ACLY: variants seen among roughly 807,000 people sequenced by gnomAD.
ACLY encodes the protein ATP-citrate synthase.
Under a neutral mutation model 133.0 loss-of-function variants are expected in ACLY, and 41 were observed. The ratio of observed to expected loss-of-function variants is 0.31; its 90% confidence interval spans 0.24 to 0.40. The LOEUF is 0.40. ACLY is among the 10% of genes least tolerant of loss of function. The pLI, the probability that ACLY is intolerant of heterozygous loss-of-function variation, is 1.00. For synonymous variants in ACLY, 495 were observed against 549.3 expected, an observed-to-expected ratio of 0.90 and a Z score of 1.38; for missense variants, 1,046 against 1,453.8, an observed-to-expected ratio of 0.72 and a Z score of 4.56.
intron 24 of ACLY, 44 bp from the exon 25 acceptor site, chr17:41,871,876 T>C: frequency 6.2e-7 from 1 of 1,609,938 alleles, no homozygotes; most frequent in East Asian, 2.2e-5. Context: ...TTTAAGAGTT[T>C]CCTTCAGCTG....
intron 6 of ACLY, 113 bp downstream of exon 6, chr17:41,908,876 T>C (rs1431955562): frequency 5.8e-6 from 5 of 855,792 alleles, no homozygotes; most frequent in Non-Finnish European, 9.8e-6. Flanking sequence ...CTTGTGCACA[T>C]CTGTCTTGTG....
chr17:41,892,870 G>A (rs2049254030), intron 15 of ACLY, among the ~76,000 whole-genome samples, 163 bp downstream of exon 15: 1 of 151,994 alleles, frequency 6.6e-6, no homozygotes, highest in African/African-American at 2.4e-5. Flanking sequence ...AGAGATGGGG[G>A]TCTCCCTATG....
chr17:41,895,380 A>C (rs985135583), intron 14 of ACLY, among the ~76,000 whole-genome samples: 1 of 152,180 alleles, frequency 6.6e-6, no homozygotes, highest in Non-Finnish European at 1.5e-5. Context: ...TCCAGCAGGA[A>C]GGGTGGAGGT....
intron 1 of ACLY, among the ~76,000 whole-genome samples, chr17:41,927,259 G>A (rs1273311602): frequency 2.0e-5 from 3 of 152,132 alleles, no homozygotes; most frequent in Non-Finnish European, 4.4e-5. Flanking sequence ...GAGTTTCCCT[G>A]TACTCCTTTG....
intron 4 of ACLY, 72 bp downstream of exon 4, chr17:41,910,150 C>G (rs2049856039): frequency 6.9e-7 from 1 of 1,457,672 alleles, no homozygotes; most frequent in Non-Finnish European, 9.5e-7. Flanking sequence ...TGACTTCTTT[C>G]CTCAGGTTAC....
chr17:41,876,308 C>T (rs1277881204), intron 22 of ACLY, among the ~76,000 whole-genome samples: 2 of 149,824 alleles, frequency 1.3e-5, no homozygotes, highest in Admixed American at 6.6e-5. Flanking sequence ...CAGCCCCCCG[C>T]CCGGCCAGCC....
intron 20 of ACLY, among the ~76,000 whole-genome samples, chr17:41,882,367 C>CAAAAAAAAAAAAAAAAAAA (rs34078258): frequency 1.5e-4 from 6 of 40,252 alleles, no homozygotes; most frequent in Non-Finnish European, 2.0e-4. Context: ...ACCCTGTCTC[C>CAAAAAAAAAAAAAAAAAAA]AAAAAAAAAA....
At chr17:41,918,987 GC>G, upstream of ACLY, 1 of 1,287,410 alleles carries the variant, frequency 7.8e-7, no homozygotes, top group Non-Finnish European at 1.0e-6. Flanking sequence ...TTTTGTCCCG[GC>G]CCAGCCGGAC....
chr17:41,883,384 A>G, intron 19 of ACLY, 152 bp from the exon 20 acceptor site: 1 of 624,990 alleles, frequency 1.6e-6, no homozygotes, highest in East Asian at 2.8e-5. Flanking sequence ...AGGAACAAAC[A>G]GCAGGTCTCC....
At chr17:41,886,434 A>C (rs1476819582) in intron 17 of ACLY, 126 bp from the exon 18 acceptor site, 2 of 927,732 alleles carry the variant, frequency 2.2e-6, no homozygotes, top group Non-Finnish European at 3.2e-6. Context: ...ACCAAGAGAA[A>C]TCACACTTGC....
Position 41,866,951 on chromosome 17 carries a change from C to G in ACLY, c.*859G>C, listed in dbSNP as rs569956064. 6.6e-6 allele frequency: 1 copy of G among 152,504 alleles called. No individual in the cohort carries two copies. The highest frequency in any genetic ancestry group is 1.5e-5 in the Non-Finnish European group (1 of 68,044). The allele number at this position is 152,504 out of a possible 1,614,324, so 9.4% of individuals were successfully genotyped here. On this transcript the variant is annotated 3_prime_UTR_variant, in exon 29 of 29. Coordinates refer to ENST00000352035, the MANE Select transcript of ACLY (RefSeq NM_001096.3). ...TTGTTACTATATAGTTTATTTAAACCAGACTATGATAATACAGAGAAGAGA... is the reference window on the plus strand; with the variant it reads ...TTGTTACTATATAGTTTATTTAAACGAGACTATGATAATACAGAGAAGAGA...
intron 22 of ACLY, among the ~76,000 whole-genome samples, chr17:41,876,712 C>T (rs2048768651): frequency 6.6e-6 from 1 of 152,108 alleles, no homozygotes; most frequent in African/African-American, 2.4e-5. Flanking sequence ...TGCTTGAAGG[C>T]AGCATGCTGG....
upstream of ACLY, among the ~76,000 whole-genome samples, chr17:41,922,748 G>A (rs1382887006): frequency 6.6e-6 from 1 of 152,172 alleles, no homozygotes; most frequent in Non-Finnish European, 1.5e-5. Flanking sequence ...CTGAATGATT[G>A]TCCTCCATTT....
intron 5 of ACLY, 106 bp from the exon 6 acceptor site, chr17:41,909,174 CCT>C: frequency 1.2e-6 from 1 of 848,398 alleles, no homozygotes; most frequent in South Asian, 1.4e-5. Flanking sequence ...GCTCCATTTC[CCT>C]AAACGCACCC....
At chr17:41,901,932 G>A in intron 10 of ACLY, 119 bp from the exon 11 acceptor site, 13 of 778,188 alleles carry the variant, frequency 1.7e-5, no homozygotes, top group Non-Finnish European at 2.7e-5. Flanking sequence ...GGAAGCACAG[G>A]ACTACGCATA....
At chr17:41,929,255 C>T (rs1477745995) in intron 1 of ACLY, among the ~76,000 whole-genome samples, 1 of 152,040 alleles carries the variant, frequency 6.6e-6, no homozygotes, top group African/African-American at 2.4e-5. Flanking sequence ...CCACCACACC[C>T]AGCTCACTTT....
intron 13 of ACLY, 133 bp downstream of exon 13, chr17:41,897,616 C>T (rs1463511693): frequency 1.3e-5 from 10 of 761,792 alleles, no homozygotes; most frequent in South Asian, 1.1e-4. Context: ...GTCCCAGGTG[C>T]ACTCCCATTG....
Position 41,893,021 on chromosome 17 carries a change from G to A in ACLY, c.1601+12C>T, listed in dbSNP as rs1555629637. On this transcript the variant is annotated intron_variant, in intron 15 of 28. Coordinates refer to ENST00000352035, the MANE Select transcript of ACLY (RefSeq NM_001096.3). ...AGAGGAAGGAGATATTTCCCGCCATGGGGTAACTCACGTGAAAGGGTAGAC... is the reference window on the plus strand; with the variant it reads ...AGAGGAAGGAGATATTTCCCGCCATAGGGTAACTCACGTGAAAGGGTAGAC... 3 of 1,611,080 alleles carry A rather than the reference G, an allele frequency of 1.9e-6. No individual in the cohort carries two copies. Among genetic ancestry groups the A allele is most frequent in the Non-Finnish European group, 2.5e-6 (3 of 1,178,126 alleles).
intron 22 of ACLY, among the ~76,000 whole-genome samples, chr17:41,877,295 C>T (rs369189552): frequency 6.6e-6 from 1 of 151,950 alleles, no homozygotes; most frequent in African/African-American, 2.4e-5. Flanking sequence ...AGCCCACCAC[C>T]GCGCCTGGCT....
Sources: allele counts gnomAD v4.1 joint callset (sites outside exome capture counted in the v4.1 genomes callset), GRCh38; gene constraint gnomAD v4.1.1; transcripts MANE v1.5; gene names NCBI Gene and HGNC (gene_info 2026-07-23, HGNC 2026-07-21).